Variants in APBB2 observed in about 807,000 individuals in gnomAD.
APBB2 encodes the protein amyloid beta precursor protein binding family B member 2.
In APBB2, 38 loss-of-function variants were observed where a neutral mutation model predicts 82.5. The observed-to-expected ratio is 0.46, with a 90% CI of 0.36 to 0.60. The LOEUF (loss-of-function observed/expected upper bound fraction) is 0.60, where lower values mean the gene tolerates loss of function less well. Among genes scored for constraint, APBB2 ranks in the 20% least tolerant of loss-of-function variants. The pLI is 0.00. For missense variants in APBB2, 772 were observed against 972.3 expected (o/e 0.79, Z 2.74); for synonymous variants, 341 against 368.2 (o/e 0.93, Z 0.85).
intron 6 of APBB2, among the ~76,000 whole-genome samples, chr4:40,964,303 T>C (rs1417124108): frequency 6.6e-6 from 1 of 152,136 alleles, no homozygotes; most frequent in Non-Finnish European, 1.5e-5. Context: ...CTACAAGCAT[T>C]GAACTAGTAA....
rs562799741 is a variant in APBB2, at chr4:40,945,068, T to C, written c.841A>G (p.Ile281Val). The C allele has an allele frequency of 1.3e-4, 181 of 1,357,296 alleles. 2 individuals carry two copies. The South Asian group carries it at 2.0e-3, about 15-fold the overall frequency. 84.1% of individuals were successfully genotyped at this position (1,357,296 alleles called of 1,614,324 possible). Residue 281 changes from isoleucine to valine, a missense_variant, in exon 7 of 18, where the codon ATA (isoleucine) becomes GTA (valine). Transcript: ENST00000508593. ...GTCTGAAATGAGTGATCACTCCATATATCTGCTGAAAAATTGGGGGGCGGG... is the reference window on the plus strand; with the variant it reads ...GTCTGAAATGAGTGATCACTCCATACATCTGCTGAAAAATTGGGGGGCGGG... ...SPSSPDETADIWSDHSFQTDP... is the reference protein window; with the variant it reads ...SPSSPDETADVWSDHSFQTDP...
intron 2 of APBB2, among the ~76,000 whole-genome samples, chr4:41,110,528 G>A (rs562300019): frequency 7.3e-5 from 11 of 151,614 alleles, no homozygotes; most frequent in South Asian, 6.3e-4. Context: ...ACTTGAGCCC[G>A]GGAGGCAGAG....
At chr4:41,008,333 G>A (rs779964047) in intron 6 of APBB2, among the ~76,000 whole-genome samples, 9 of 152,322 alleles carry the variant, frequency 5.9e-5, no homozygotes, top group Admixed American at 5.2e-4. Flanking sequence ...GATCAATGAA[G>A]TTATAAAATA....
At position 40,952,240 on chromosome 4, in the gene APBB2, GAGA is replaced by G. The variant is rs538706301; in HGVS notation, c.836-7170_836-7168del. ...GATCATTTTATGGTGACTTTCATAG[GAGA>G]AGAAGGTCAGTTAGGCTCCCTCAGC... On this transcript the variant is annotated intron_variant, in intron 6 of 17. Transcript: ENST00000508593. 1.9e-3 allele frequency among the ~76,000 whole-genome samples: 294 copies of G among 151,050 alleles called. 1 individual carries two copies. The highest frequency in any genetic ancestry group is 6.8e-3 in the African/African-American group (280 of 41,122).
At chr4:40,898,349 C>T (rs1439853208) in intron 10 of APBB2, among the ~76,000 whole-genome samples, 1 of 152,156 alleles carries the variant, frequency 6.6e-6, no homozygotes, top group Non-Finnish European at 1.5e-5. Context: ...CTGCAACCTC[C>T]GTCTCCCAGG....
At chr4:40,819,811 T>C (rs1326224583) in intron 17 of APBB2, among the ~76,000 whole-genome samples, 1 of 151,946 alleles carries the variant, frequency 6.6e-6, no homozygotes, top group African/African-American at 2.4e-5. Flanking sequence ...CTCATACTTA[T>C]TTTTCTTATT....
At chr4:41,184,685 C>G (rs763559005) in intron 1 of APBB2, among the ~76,000 whole-genome samples, 3 of 152,220 alleles carry the variant, frequency 2.0e-5, no homozygotes, top group Non-Finnish European at 4.4e-5. Flanking sequence ...AAAGAAAGAA[C>G]TTGCTGAGCA....
rs779668571 is a variant in APBB2, at chr4:40,812,490, T to G, written c.*3602A>C. 3 of 152,216 alleles carry G rather than the reference T, an allele frequency of 2.0e-5. No individual in the cohort carries two copies. Among genetic ancestry groups the G allele is most frequent in the Non-Finnish European group, 4.4e-5 (3 of 68,020 alleles). 9.4% of individuals were successfully genotyped at this position (152,216 alleles called of 1,614,324 possible). ...CTTTGCCCTGAAGCTGAAGTTAAAC[T>G]TTCTACTGGCCGTGTGGCACACACG... is the stretch of plus-strand genomic sequence containing the variant. On this transcript the variant is annotated 3_prime_UTR_variant, in exon 18 of 18. Transcript: ENST00000508593.
intron 2 of APBB2, among the ~76,000 whole-genome samples, chr4:41,112,817 A>C (rs1194345146): frequency 6.6e-6 from 1 of 152,064 alleles, no homozygotes; most frequent in African/African-American, 2.4e-5. Flanking sequence ...GTGAAACCCC[A>C]TCTGTACTAA....
At chr4:41,147,855 A>C (rs1298842508) in intron 1 of APBB2, among the ~76,000 whole-genome samples, 1 of 152,144 alleles carries the variant, frequency 6.6e-6, no homozygotes, top group Admixed American at 6.5e-5. Context: ...CAAAATGACC[A>C]GGCAGACAAG....
At chr4:41,070,525 C>T (rs547680370) in intron 3 of APBB2, among the ~76,000 whole-genome samples, 30 of 152,250 alleles carry the variant, frequency 2.0e-4, no homozygotes, top group African/African-American at 6.5e-4. Flanking sequence ...TGGTCTTGAG[C>T]TCCTGACCTC....
At chr4:41,115,603 C>T (rs1266680457) in intron 2 of APBB2, among the ~76,000 whole-genome samples, 1 of 152,064 alleles carries the variant, frequency 6.6e-6, no homozygotes, top group East Asian at 1.9e-4. Context: ...TCAAAATCTA[C>T]AAGGAGCTTA....
At chr4:40,929,074 ATTTC>A (rs1011997101) in intron 10 of APBB2, among the ~76,000 whole-genome samples, 3 of 151,328 alleles carry the variant, frequency 2.0e-5, no homozygotes, top group African/African-American at 4.9e-5. Flanking sequence ...ATTGATGTTA[ATTTC>A]TTTGTTTGTA....
At chr4:41,094,842 G>A (rs1007289247) in intron 3 of APBB2, among the ~76,000 whole-genome samples, 2 of 152,156 alleles carry the variant, frequency 1.3e-5, no homozygotes, top group African/African-American at 4.8e-5. Context: ...TGGGATTATA[G>A]GGATGAGCCA....
chr4:41,171,267 T>C (rs1042572352), intron 1 of APBB2, among the ~76,000 whole-genome samples: 1 of 152,214 alleles, frequency 6.6e-6, no homozygotes, highest in Admixed American at 6.5e-5. Flanking sequence ...TTACCATAGC[T>C]GAGAGCCAGC....
chr4:41,177,328 G>T (rs1770097911), intron 1 of APBB2, among the ~76,000 whole-genome samples: 1 of 152,136 alleles, frequency 6.6e-6, no homozygotes, highest in Admixed American at 6.5e-5. Context: ...AGTTATTCTG[G>T]TTATGAAACA....
intron 10 of APBB2, among the ~76,000 whole-genome samples, chr4:40,900,290 T>C (rs964618151): frequency 6.6e-6 from 1 of 152,064 alleles, no homozygotes; most frequent in African/African-American, 2.4e-5. Context: ...TGCCTATTCT[T>C]CCCTGTAGAT....
chr4:40,966,356 T>C (rs1253100335), intron 6 of APBB2, among the ~76,000 whole-genome samples: 1 of 152,228 alleles, frequency 6.6e-6, no homozygotes, highest in Non-Finnish European at 1.5e-5. Context: ...AGTGCTGCTA[T>C]GATGCTGGCT....
intron 3 of APBB2, among the ~76,000 whole-genome samples, chr4:41,089,595 A>C (rs754140079): frequency 7.9e-5 from 12 of 152,200 alleles, no homozygotes; most frequent in African/African-American, 2.4e-4. Context: ...AAATTCTATT[A>C]ATAAGCTAAG....
Sources: allele counts gnomAD v4.1 joint callset (sites outside exome capture counted in the v4.1 genomes callset), GRCh38; gene constraint gnomAD v4.1.1; transcripts MANE v1.5; gene names NCBI Gene and HGNC (gene_info 2026-07-23, HGNC 2026-07-21).